The following LOXHD1 variants were observed in gnomAD, a reference collection of about 807,000 sequenced individuals.
LOXHD1 encodes lipoxygenase homology domain-containing protein 1.
Under a neutral mutation model 248.2 loss-of-function variants are expected in LOXHD1, and 205 were observed. That is an observed-to-expected ratio of 0.83 (90% CI 0.74 to 0.93). The LOEUF (loss-of-function observed/expected upper bound fraction) is 0.93. Among genes scored for constraint, LOXHD1 ranks in the 40% least tolerant of loss-of-function variants. LOXHD1 has a pLI of 0.00. For synonymous variants in LOXHD1, 1,113 were observed against 1,162.8 expected (o/e 0.96, Z 0.87); for missense variants, 2,930 against 2,971.6 (o/e 0.99, Z 0.33).
intron 29 of LOXHD1, 93 bp downstream of exon 29, chr18:46,529,084 C>A: frequency 6.8e-7 from 1 of 1,466,460 alleles, no homozygotes; most frequent in Middle Eastern, 2.1e-4. Flanking sequence ...CCATGGAGTT[C>A]CTGGATGTCC....
chr18:46,479,267 T>TGTGTGTGTG (rs58554346), intron 40 of LOXHD1, among the ~76,000 whole-genome samples: 1 of 148,848 alleles, frequency 6.7e-6, no homozygotes, highest in Non-Finnish European at 1.5e-5. Context: ...TGTGTGTGTG[T>TGTGTGTGTG]TCATGGACTG....
intron 38 of LOXHD1, among the ~76,000 whole-genome samples, chr18:46,487,798 C>T (rs1384486232): frequency 1.1e-4 from 17 of 152,154 alleles, no homozygotes; most frequent in Admixed American, 4.6e-4. Context: ...GAGAAAGAGA[C>T]GTACTGAGAC....
chr18:46,617,720 G>C (rs757701336), intron 5 of LOXHD1, among the ~76,000 whole-genome samples: 1 of 152,144 alleles, frequency 6.6e-6, no homozygotes, highest in Non-Finnish European at 1.5e-5. Flanking sequence ...ACCTACAGCT[G>C]TGTCTGAGCT....
At chr18:46,528,632 C>T (rs977047755) in intron 29 of LOXHD1, among the ~76,000 whole-genome samples, 4 of 152,090 alleles carry the variant, frequency 2.6e-5, no homozygotes, top group Admixed American at 2.0e-4. Context: ...CTGCCTCCAC[C>T]GCTCCCAAGG....
intron 7 of LOXHD1, 70 bp from the exon 8 acceptor site, chr18:46,601,537 C>T (rs959728422): frequency 6.5e-6 from 10 of 1,548,110 alleles, no homozygotes; most frequent in Non-Finnish European, 7.9e-6. Flanking sequence ...CCCCTCCTCC[C>T]CTTCCTGGTT....
At chr18:46,629,469 C>G (rs1415465911) in intron 4 of LOXHD1, among the ~76,000 whole-genome samples, 1 of 152,102 alleles carries the variant, frequency 6.6e-6, no homozygotes, top group African/African-American at 2.4e-5. Context: ...TCTGGCAGGT[C>G]CATAATCCTT....
intron 4 of LOXHD1, among the ~76,000 whole-genome samples, chr18:46,632,954 T>C (rs773439245): frequency 1.3e-5 from 2 of 152,154 alleles, no homozygotes; most frequent in Non-Finnish European, 1.5e-5. Flanking sequence ...CTGATTCACA[T>C]GGGGATGAGT....
rs368122256 is a variant in LOXHD1 at position 46,592,950 on chromosome 18, G to C, written c.1432-366C>G. Among the ~76,000 whole-genome samples, 543 of 152,238 alleles carry C rather than the reference G, an allele frequency of 3.6e-3. 5 individuals carry two copies. Among genetic ancestry groups the C allele is most frequent in the Middle Eastern group, 0.034 (10 of 292 alleles). On this transcript the variant is annotated intron_variant, in intron 10 of 40. Transcript: ENST00000642948. ...GGCCCACAGCCCCAGGACTCTACTG[G>C]GCAGTGAAACAGACAAAAAGATCAA...
At chr18:46,643,596 C>T (rs753396483) in intron 2 of LOXHD1, among the ~76,000 whole-genome samples, 3 of 152,096 alleles carry the variant, frequency 2.0e-5, no homozygotes, top group Non-Finnish European at 4.4e-5. Context: ...CCCATGCTTT[C>T]GTTCAGAGTC....
intron 1 of LOXHD1, among the ~76,000 whole-genome samples, chr18:46,650,063 G>C (rs1230185901): frequency 1.3e-5 from 2 of 152,072 alleles, no homozygotes; most frequent in African/African-American, 4.8e-5. Flanking sequence ...CACAGAACTA[G>C]CCTGGGGAAG....
Position 46,528,240 on chromosome 18 carries a change from T to C in LOXHD1, c.4530+937A>G, listed in dbSNP as rs2035909231. On this transcript the variant is annotated intron_variant, in intron 29 of 40. Transcript: ENST00000642948. The stretch of plus-strand genomic sequence containing the variant: ...GCCAATCCCCTTAACCTGATCTCCC[T>C]GTGGAGATAGCCTGGCCTGTGGGGA... Among the ~76,000 whole-genome samples the C allele has an allele frequency of 2.6e-5, 4 of 152,050 alleles. No homozygotes were observed. In the South Asian group the frequency reaches 8.3e-4, roughly 32 times the overall value.
At chr18:46,625,133 G>T (rs2038722710) in intron 4 of LOXHD1, among the ~76,000 whole-genome samples, 1 of 152,166 alleles carries the variant, frequency 6.6e-6, no homozygotes, top group Non-Finnish European at 1.5e-5. Flanking sequence ...TGAACAAGAA[G>T]GTTCTCTCTT....
chr18:46,528,896 C>T (rs985585753), intron 29 of LOXHD1, among the ~76,000 whole-genome samples: 2 of 152,254 alleles, frequency 1.3e-5, no homozygotes, highest in African/African-American at 4.8e-5. Flanking sequence ...ATGACCCAGC[C>T]CCATCCAGCC....
chr18:46,625,918 C>T (rs1599059102), intron 4 of LOXHD1, among the ~76,000 whole-genome samples: 1 of 152,246 alleles, frequency 6.6e-6, no homozygotes, highest in Non-Finnish European at 1.5e-5. Flanking sequence ...CTTTCCAACC[C>T]AGACTCTAGT....
At chr18:46,512,585 T>A (rs542610572) in intron 34 of LOXHD1, among the ~76,000 whole-genome samples, 1 of 152,248 alleles carries the variant, frequency 6.6e-6, no homozygotes, top group African/African-American at 2.4e-5. Context: ...CTCTGGGCTG[T>A]GGGCAAAATG....
At chr18:46,635,116 T>C (rs1286173462) in intron 4 of LOXHD1, among the ~76,000 whole-genome samples, 1 of 152,086 alleles carries the variant, frequency 6.6e-6, no homozygotes, top group African/African-American at 2.4e-5. Flanking sequence ...CCTGGGGTTG[T>C]GTTCCTGAGA....
intron 40 of LOXHD1, among the ~76,000 whole-genome samples, chr18:46,483,151 C>G (rs923867282): frequency 3.3e-5 from 5 of 152,180 alleles, no homozygotes; most frequent in Non-Finnish European, 7.3e-5. Flanking sequence ...TTGGATTACC[C>G]TAGCTTGTCT....
chr18:46,557,891 G>T, intron 20 of LOXHD1: 2 of 1,115,368 alleles, frequency 1.8e-6, no homozygotes, highest in Non-Finnish European at 2.2e-6. Context: ...TCACATATTT[G>T]TATTAAGTAC....
chr18:46,553,885 C>T (rs140646726), intron 21 of LOXHD1, among the ~76,000 whole-genome samples: 1 of 152,254 alleles, frequency 6.6e-6, no homozygotes, highest in African/African-American at 2.4e-5. Flanking sequence ...TGCTAGGGAG[C>T]GTGGACAGCA....
Sources: allele counts gnomAD v4.1 joint callset (sites outside exome capture counted in the v4.1 genomes callset), GRCh38; gene constraint gnomAD v4.1.1; transcripts MANE v1.5; gene names NCBI Gene and HGNC (gene_info 2026-07-23, HGNC 2026-07-21).